Variants in GC observed in about 807,000 individuals in gnomAD.
GC encodes vitamin D-binding protein.
A neutral mutation model predicts 56.7 loss-of-function variants in GC; 43 were observed. That is an observed-to-expected ratio of 0.76 (90% CI 0.59 to 0.98). GC has a LOEUF of 0.98. Among genes scored for constraint, GC ranks in the 50% least tolerant of loss-of-function variants. The probability of loss-of-function intolerance (pLI) is 0.00; values close to 1 mark genes in which losing one functional copy is unlikely to be tolerated. For missense variants in GC, 529 were observed against 545.9 expected, an observed-to-expected ratio of 0.97 and a Z score of 0.31; for synonymous variants, 216 against 202.7, an observed-to-expected ratio of 1.07 and a Z score of -0.56.
rs193121434 is a variant in GC at position 71,775,948 on chromosome 4, A to G, written c.59-6548T>C. Among the ~76,000 whole-genome samples, 7 of 152,152 alleles carry G rather than the reference A, an allele frequency of 4.6e-5. No homozygotes were observed. In the East Asian group the frequency reaches 1.2e-3, roughly 25 times the overall value. ...TAAGGAGATGCAAATTAAAACCACA[A>G]TGAGATATCACCTCACACCTGTTAG... On this transcript the variant is annotated intron_variant, in intron 1 of 12. Coordinates refer to ENST00000273951, the MANE Select transcript of GC (RefSeq NM_000583.4).
At chr4:71,745,282 G>C (rs183144822) in intron 12 of GC, among the ~76,000 whole-genome samples, 2 of 152,236 alleles carry the variant, frequency 1.3e-5, no homozygotes, top group South Asian at 4.1e-4. Context: ...AAGTTTTCTT[G>C]ACCATCCCCC....
intron 12 of GC, among the ~76,000 whole-genome samples, chr4:71,744,543 T>C (rs916363870): frequency 3.3e-5 from 5 of 151,894 alleles, no homozygotes; most frequent in Non-Finnish European, 7.4e-5. Flanking sequence ...TACTTCCTCC[T>C]TACTTACCTT....
chr4:71,794,635 GT>G (rs1399751500), intron 1 of GC, among the ~76,000 whole-genome samples: 18 of 151,864 alleles, frequency 1.2e-4, no homozygotes, highest in South Asian at 2.1e-4. Context: ...TTTTTGAAGG[GT>G]TTTTTTGTGT....
chr4:71,761,518 G>A (rs1578293599), intron 6 of GC, among the ~76,000 whole-genome samples: 1 of 152,296 alleles, frequency 6.6e-6, no homozygotes, highest in Non-Finnish European at 1.5e-5. Context: ...ATTTGCATAA[G>A]TAACAAGGAG....
chr4:71,755,178 T>TTTATTTA (rs1560693077), intron 8 of GC, 71 bp from the exon 9 acceptor site: 33 of 56,332 alleles, frequency 5.9e-4, no homozygotes, highest in Non-Finnish European at 1.0e-3. Context: ...TTATTTATTT[T>TTTATTTA]TTGTGACAGA....
chr4:71,745,392 A>C (rs1345194438), intron 12 of GC, among the ~76,000 whole-genome samples: 2 of 152,212 alleles, frequency 1.3e-5, no homozygotes, highest in Non-Finnish European at 2.9e-5. Flanking sequence ...TAATGTTATT[A>C]ATGAATGGAT....
chr4:71,763,990 C>G, intron 4 of GC, 54 bp from the exon 5 acceptor site: 1 of 1,422,116 alleles, frequency 7.0e-7, no homozygotes, highest in Non-Finnish European at 9.9e-7. Flanking sequence ...ACAAAATCTA[C>G]TTTTTTATTT....
chr4:71,767,310 A>G (rs1742187651), intron 3 of GC, among the ~76,000 whole-genome samples: 1 of 152,146 alleles, frequency 6.6e-6, no homozygotes, highest in Non-Finnish European at 1.5e-5. Flanking sequence ...CATTTGCATC[A>G]GGCCTGACGA....
In GC at chr4:71,763,487, G is replaced by A. The variant is rs763825605; in HGVS notation, c.622C>T (p.His208Tyr). The A allele has an allele frequency of 1.9e-6, 3 of 1,593,164 alleles. No individual in the cohort carries two copies. Among genetic ancestry groups the A allele is most frequent in the African/African-American group, 2.7e-5 (2 of 74,494 alleles). ...GACAGAGTGGTGAGAAGTGATAAATGTTTAAGCTGGAGTCTCTAGAAAACA... is the reference window on the plus strand; with the variant it reads ...GACAGAGTGGTGAGAAGTGATAAATATTTAAGCTGGAGTCTCTAGAAAACA... ...CFLKERLQLKHLSLLTTLSNR... is the reference protein window; with the variant it reads ...CFLKERLQLKYLSLLTTLSNR... The change falls in exon 6 of 13, where the codon CAT (histidine) becomes TAT (tyrosine). Residue 208 changes from histidine to tyrosine, a missense_variant. His to Tyr is a moderately conservative substitution (Grantham distance 83). Transcript: ENST00000273951.
chr4:71,752,113 T>A (rs917789246), intron 11 of GC, among the ~76,000 whole-genome samples: 70 of 152,144 alleles, frequency 4.6e-4, no homozygotes, highest in Non-Finnish European at 7.5e-4. Context: ...CATACAGATA[T>A]ATGAAATACA....
At chr4:71,741,917 T>C in intron 12 of GC, 47 bp from the exon 13 acceptor site, 1 of 702,712 alleles carries the variant, frequency 1.4e-6, no homozygotes, top group African/African-American at 1.7e-5. Context: ...ACAGAGCTAA[T>C]GGGCAACAAC....
upstream of GC, among the ~76,000 whole-genome samples, chr4:71,788,221 A>G (rs1742888122): frequency 6.6e-6 from 1 of 151,938 alleles, no homozygotes; most frequent in Admixed American, 6.6e-5. Flanking sequence ...ATCCAGGTAT[A>G]ATTTGAGTAA....
At chr4:71,766,732 T>G (rs530273784) in intron 3 of GC, among the ~76,000 whole-genome samples, 5 of 152,294 alleles carry the variant, frequency 3.3e-5, no homozygotes, top group African/African-American at 1.2e-4. Context: ...AAAATTAGAC[T>G]CTTTTTCATC....
intron 1 of GC, among the ~76,000 whole-genome samples, chr4:71,774,927 T>C (rs1288522139): frequency 1.3e-5 from 2 of 152,076 alleles, no homozygotes; most frequent in East Asian, 1.9e-4. Context: ...ATTCTTTTTA[T>C]GGTATCGAAA....
rs552345685 is a variant in GC, at chr4:71,768,166, C to A, written c.261+135G>T. On this transcript the variant is annotated intron_variant, in intron 3 of 12. Coordinates refer to ENST00000273951, the MANE Select transcript of GC (RefSeq NM_000583.4). ...GTTAGAATAAACCAGGCTGTAAACA[C>A]AACAGGCTTCATATTTCCCCCAAAC... 1.4e-4 allele frequency: 92 copies of A among 649,572 alleles called. No individual in the cohort carries two copies. In the African/African-American group the frequency reaches 1.6e-3, roughly 11 times the overall value. The allele number at this position is 649,572 out of a possible 1,614,324, so 40.2% of individuals were successfully genotyped here.
chr4:71,800,989 T>G (rs906819613), intron 1 of GC, among the ~76,000 whole-genome samples: 1 of 148,794 alleles, frequency 6.7e-6, no homozygotes, highest in South Asian at 2.1e-4. Flanking sequence ...AAAAATGGCC[T>G]TTATCAAAAT....
At position 71,759,124 on chromosome 4, in the gene GC, T is replaced by C. The variant is rs545319595; in HGVS notation, c.702-953A>G. On this transcript the variant is annotated intron_variant, in intron 6 of 12. Transcript: ENST00000273951. ...GTAGCACGTGACAGGATTTTCTTTT[T>C]TTTTCAGGCTACATAATATTCCATT... Among the ~76,000 whole-genome samples the C allele has an allele frequency of 3.7e-4, 56 of 152,320 alleles. 2 individuals carry two copies. In the South Asian group the frequency reaches 0.012, roughly 32 times the overall value.
chr4:71,752,106 A>G (rs1280391057), intron 11 of GC, among the ~76,000 whole-genome samples: 1 of 152,132 alleles, frequency 6.6e-6, no homozygotes, highest in Non-Finnish European at 1.5e-5. Flanking sequence ...AAACACACAT[A>G]CAGATATATG....
chr4:71,777,540 T>G (rs557714536), intron 1 of GC, among the ~76,000 whole-genome samples: 128 of 150,454 alleles, frequency 8.5e-4, no homozygotes, highest in Admixed American at 1.4e-3. Context: ...AAAGGAACAC[T>G]CACTTCAATG....
Sources: gnomAD v4.1 joint callset for allele counts (sites outside exome capture counted in the v4.1 genomes callset) on GRCh38, gnomAD v4.1.1 for gene constraint, MANE v1.5 for transcripts, NCBI Gene and HGNC (gene_info 2026-07-23, HGNC 2026-07-21) for gene names.